Variants in DDX4 observed in about 807,000 individuals in gnomAD.
The protein encoded by DDX4 is probable ATP-dependent RNA helicase DDX4.
In DDX4, 25 loss-of-function variants were observed where a neutral mutation model predicts 100.0. That is an observed-to-expected ratio of 0.25 (90% CI 0.18 to 0.35). The LOEUF is 0.35. DDX4 is among the 10% of genes least tolerant of loss of function. The pLI, the probability that DDX4 is intolerant of heterozygous loss-of-function variation, is 1.00. For missense variants in DDX4, 635 were observed against 882.4 expected (o/e 0.72, Z 3.55); for synonymous variants, 259 against 275.7 (o/e 0.94, Z 0.60).
At chr5:55,746,573 A>T (rs909136853) in intron 3 of DDX4, among the ~76,000 whole-genome samples, 3 of 152,246 alleles carry the variant, frequency 2.0e-5, no homozygotes, top group Admixed American at 1.3e-4. Context: ...TACAATGGTG[A>T]TGACCTGTCA....
intron 18 of DDX4, among the ~76,000 whole-genome samples, chr5:55,812,510 G>A (rs960055083): frequency 3.3e-5 from 4 of 120,822 alleles, no homozygotes; most frequent in Non-Finnish European, 7.9e-5. Context: ...GTTGCAGTGA[G>A]CCGAGATTGT....
intron 1 of DDX4, 22 bp from the exon 2 acceptor site, chr5:55,738,928 A>ATTT (rs113491933): frequency 4.8e-5 from 51 of 1,066,276 alleles, no homozygotes; most frequent in African/African-American, 8.1e-5. Flanking sequence ...CCAAATGTGC[A>ATTT]TTTTTTTTTT....
intron 18 of DDX4, among the ~76,000 whole-genome samples, chr5:55,805,327 C>T (rs1034849933): frequency 4.0e-5 from 6 of 151,726 alleles, no homozygotes; most frequent in Non-Finnish European, 7.4e-5. Flanking sequence ...CCTTCTCCTG[C>T]CTAATTGCCC....
intron 18 of DDX4, among the ~76,000 whole-genome samples, chr5:55,811,282 GT>G (rs1407279326): frequency 6.6e-6 from 1 of 151,954 alleles, no homozygotes; most frequent in Non-Finnish European, 1.5e-5. Context: ...CAGTTTCCAA[GT>G]TTTATCTTTC....
At chr5:55,769,811 A>C (rs1030459011) in intron 7 of DDX4, among the ~76,000 whole-genome samples, 1 of 152,064 alleles carries the variant, frequency 6.6e-6, no homozygotes, top group Admixed American at 6.5e-5. Flanking sequence ...CTGGTCCAAA[A>C]CCAGATACCT....
At chr5:55,768,344 C>T (rs532063635) in intron 7 of DDX4, among the ~76,000 whole-genome samples, 8 of 152,278 alleles carry the variant, frequency 5.3e-5, no homozygotes, top group Admixed American at 2.6e-4. Context: ...CATGTGTTCT[C>T]AGTGTTTAGC....
At chr5:55,812,127 A>G (rs186964037) in intron 18 of DDX4, among the ~76,000 whole-genome samples, 1 of 152,262 alleles carries the variant, frequency 6.6e-6, no homozygotes, top group African/African-American at 2.4e-5. Flanking sequence ...TTTAAAGTAT[A>G]TTTTTCAAAA....
chr5:55,811,769 C>T (rs1349207104), intron 18 of DDX4, among the ~76,000 whole-genome samples: 1 of 152,088 alleles, frequency 6.6e-6, no homozygotes, highest in Admixed American at 6.6e-5. Context: ...TTTTCAGTTA[C>T]CTGAAGATTT....
chr5:55,763,146 A>T, intron 4 of DDX4, 29 bp from the exon 5 acceptor site: 1 of 1,427,696 alleles, frequency 7.0e-7, no homozygotes, highest in Non-Finnish European at 9.9e-7. Flanking sequence ...TTTATATGTT[A>T]AAGAGTTTAA....
rs751608066 is a variant in DDX4, at chr5:55,746,148, T to C, written c.70-16T>C. The C allele has an allele frequency of 4.4e-6, 7 of 1,588,562 alleles. No homozygotes were observed. In the Admixed American group the frequency reaches 1.3e-4, roughly 30 times the overall value. On this transcript the variant is annotated splice_polypyrimidine_tract_variant and intron_variant, in intron 2 of 21. Coordinates refer to ENST00000505374, the MANE Select transcript of DDX4 (RefSeq NM_024415.3). Reference sequence around the variant, plus strand: ...TCAAAGTAGGAAACTAGTTTTTTCTTTCTTCTTTCTCACAGGATAGGTATT... The same window carrying C: ...TCAAAGTAGGAAACTAGTTTTTTCTCTCTTCTTTCTCACAGGATAGGTATT...
chr5:55,787,529 C>T (rs184113567), intron 14 of DDX4, among the ~76,000 whole-genome samples: 138 of 152,188 alleles, frequency 9.1e-4, no homozygotes, highest in Non-Finnish European at 1.7e-3. Flanking sequence ...TGATTTGCAG[C>T]GATTACATCT....
At chr5:55,782,624 C>T (rs1359083286) in intron 10 of DDX4, among the ~76,000 whole-genome samples, 1 of 151,480 alleles carries the variant, frequency 6.6e-6, no homozygotes, top group Non-Finnish European at 1.5e-5. Flanking sequence ...CAAAAAAAAA[C>T]TGTTTAATAA....
In DDX4 at chr5:55,792,622, T is replaced by C. The variant is rs1742651471; in HGVS notation, c.1303-19T>C. 6.4e-6 allele frequency: 9 copies of C among 1,403,908 alleles called. No individual in the cohort carries two copies. The highest frequency in any genetic ancestry group is 7.7e-6 in the Non-Finnish European group (8 of 1,042,474). The allele number at this position is 1,403,908 out of a possible 1,614,324, so 87.0% of individuals were successfully genotyped here. A position where few individuals can be genotyped will look rare whatever the true frequency, so the allele number is the denominator to read the frequency against. ...ACTAATATGCATTTTCTGTTTTACC[T>C]TTGAAAATATCCTTAAAGATTGGTC... On this transcript the variant is annotated intron_variant, in intron 16 of 21. Transcript: ENST00000505374.
rs1052288592 is a variant in DDX4 at position 55,757,361 on chromosome 5, C to G, written c.128-2839C>G. On this transcript the variant is annotated intron_variant, in intron 3 of 21. Coordinates refer to ENST00000505374, the MANE Select transcript of DDX4 (RefSeq NM_024415.3). ...TCCTGCTTATGAGTGAGAATATCTG[C>G]TATTTGGTTTTCCATTCCTGAGTTA... 5.3e-5 allele frequency among the ~76,000 whole-genome samples: 8 copies of G among 152,186 alleles called. No individual in the cohort carries two copies. In the South Asian group the frequency reaches 1.7e-3, roughly 32 times the overall value.
intron 15 of DDX4, among the ~76,000 whole-genome samples, chr5:55,789,376 C>T (rs917651425): frequency 6.6e-5 from 10 of 152,122 alleles, no homozygotes; most frequent in African/African-American, 1.4e-4. Context: ...AGATTGTAAA[C>T]GAGATGTCAA....
At chr5:55,801,297 T>C (rs1340190809) in intron 18 of DDX4, among the ~76,000 whole-genome samples, 2 of 151,918 alleles carry the variant, frequency 1.3e-5, no homozygotes, top group African/African-American at 4.8e-5. Context: ...ATTTTATGTG[T>C]GGCCCAAGAC....
chr5:55,783,961 G>A (rs1200213211), intron 10 of DDX4, among the ~76,000 whole-genome samples: 2 of 151,774 alleles, frequency 1.3e-5, no homozygotes, highest in Admixed American at 6.6e-5. Context: ...TTTACATTAG[G>A]TATTTCTCCT....
At chr5:55,812,700 A>G (rs979282607) in intron 18 of DDX4, among the ~76,000 whole-genome samples, 1 of 152,170 alleles carries the variant, frequency 6.6e-6, no homozygotes, top group Non-Finnish European at 1.5e-5. Context: ...CTTTACTAAG[A>G]TACCATCTAA....
At chr5:55,812,592 C>CA (rs879325931) in intron 18 of DDX4, among the ~76,000 whole-genome samples, 1,396 of 138,404 alleles carry the variant, frequency 0.01, 14 homozygotes, top group African/African-American at 0.022. Context: ...GACTGCGTCT[C>CA]AAAAAAAAAA....
Sources: gnomAD v4.1 joint callset for allele counts (sites outside exome capture counted in the v4.1 genomes callset) on GRCh38, gnomAD v4.1.1 for gene constraint, MANE v1.5 for transcripts, NCBI Gene and HGNC (gene_info 2026-07-23, HGNC 2026-07-21) for gene names.